Variants in ARL3 observed in about 807,000 individuals in gnomAD.
ARL3 encodes the protein ARF like GTPase 3.
A neutral mutation model predicts 26.0 loss-of-function variants in ARL3; 9 were observed. The observed-to-expected ratio is 0.35, with a 90% confidence interval of 0.21 to 0.60. The LOEUF is 0.60. ARL3 is among the 20% of genes least tolerant of loss of function. The probability of loss-of-function intolerance (pLI) is 0.78; values close to 1 mark genes in which losing one functional copy is unlikely to be tolerated. For missense variants in ARL3, 158 were observed against 215.7 expected (o/e 0.73, Z 1.67); for synonymous variants, 71 against 78.4 (o/e 0.91, Z 0.50).
At chr10:102,682,315 G>A (rs768235058) in intron 5 of ARL3, among the ~76,000 whole-genome samples, 2 of 151,992 alleles carry the variant, frequency 1.3e-5, no homozygotes, top group African/African-American at 4.8e-5. Context: ...TGCTCCTGAT[G>A]GTCTCCCGTG....
chr10:102,705,010 T>A (rs905735101), intron 2 of ARL3, among the ~76,000 whole-genome samples: 2 of 152,166 alleles, frequency 1.3e-5, no homozygotes, highest in Non-Finnish European at 2.9e-5. Flanking sequence ...TTCCATGGCA[T>A]TAAATACATT....
intron 3 of ARL3, among the ~76,000 whole-genome samples, chr10:102,697,101 T>C (rs1028377798): frequency 5.3e-5 from 8 of 152,138 alleles, no homozygotes; most frequent in Admixed American, 3.9e-4. Flanking sequence ...GGTAAGTATT[T>C]ATGGATCTAA....
chr10:102,684,385 G>A (rs549440400), intron 5 of ARL3, among the ~76,000 whole-genome samples: 21 of 152,114 alleles, frequency 1.4e-4, no homozygotes, highest in South Asian at 6.2e-4. Context: ...TCCTGACCTC[G>A]TGATCTGCCT....
chr10:102,699,313 C>T, intron 3 of ARL3, 60 bp downstream of exon 3: 1 of 869,684 alleles, frequency 1.1e-6, no homozygotes, highest in Non-Finnish European at 1.7e-6. Context: ...GTTACAGTGT[C>T]CATGTTTCTA....
chr10:102,687,711 G>C (rs1430142853), intron 4 of ARL3, among the ~76,000 whole-genome samples: 1 of 151,794 alleles, frequency 6.6e-6, no homozygotes, highest in Non-Finnish European at 1.5e-5. Flanking sequence ...TTTTTTTGTA[G>C]AGACAGGGTT....
At chr10:102,680,894 GT>G (rs974977510) in intron 5 of ARL3, among the ~76,000 whole-genome samples, 1 of 151,468 alleles carries the variant, frequency 6.6e-6, no homozygotes, top group African/African-American at 2.4e-5. Context: ...GCTATTAGTA[GT>G]TTTTTTTTCT....
At chr10:102,686,127 A>G in intron 4 of ARL3, 126 bp from the exon 5 acceptor site, 2 of 779,498 alleles carry the variant, frequency 2.6e-6, no homozygotes, top group Non-Finnish European at 4.0e-6. Context: ...GCTGGAGTGC[A>G]ATGGCGTGAT....
intron 3 of ARL3, among the ~76,000 whole-genome samples, chr10:102,690,750 C>A (rs1046578830): frequency 1.3e-5 from 2 of 152,152 alleles, no homozygotes; most frequent in Non-Finnish European, 2.9e-5. Context: ...CCTATCCCCT[C>A]CCTTCCATCA....
chr10:102,687,206 T>A (rs1196099390), intron 4 of ARL3, among the ~76,000 whole-genome samples: 1 of 150,924 alleles, frequency 6.6e-6, no homozygotes, highest in Admixed American at 6.6e-5. Flanking sequence ...AGCAAACTCC[T>A]GAAGTGATTC....
At chr10:102,685,680 A>C (rs1416763181) in intron 5 of ARL3, 136 bp downstream of exon 5, 1 of 992,148 alleles carries the variant, frequency 1.0e-6, no homozygotes, top group Non-Finnish European at 1.4e-6. Flanking sequence ...TGCTAAGCAG[A>C]AAAGAACCAA....
chr10:102,685,546 A>G (rs1346222625), intron 5 of ARL3, among the ~76,000 whole-genome samples: 1 of 152,182 alleles, frequency 6.6e-6, no homozygotes, highest in African/African-American at 2.4e-5. Flanking sequence ...TCATCAAAGA[A>G]TCCTAGAGTT....
chr10:102,712,319 T>C lies in ARL3; in HGVS notation c.3+1954A>G, dbSNP rs191829718. Among the ~76,000 whole-genome samples, 399 of 152,306 alleles carry C rather than the reference T, an allele frequency of 2.6e-3. 3 individuals are homozygous for C. Among genetic ancestry groups the C allele is most frequent in the African/African-American group, 9.2e-3 (383 of 41,562 alleles). On this transcript the variant is annotated intron_variant, in intron 1 of 5. Transcript: ENST00000260746. The stretch of plus-strand genomic sequence containing the variant: ...CCATGGGGGCTCATGGGATACCAGA[T>C]GGGATACACTTAAGTCACACGACTG...
chr10:102,714,225 A>C (rs775310498), intron 1 of ARL3, 48 bp downstream of exon 1: 2 of 1,313,146 alleles, frequency 1.5e-6, no homozygotes, highest in Admixed American at 6.1e-5. Context: ...TGGGGACGGG[A>C]GGGGGATAAC....
chr10:102,687,318 C>T (rs1179806946), intron 4 of ARL3, among the ~76,000 whole-genome samples: 1 of 152,028 alleles, frequency 6.6e-6, no homozygotes, highest in Admixed American at 6.6e-5. Flanking sequence ...ACTGCAGGCT[C>T]AACCTCCTGG....
Position 102,708,488 on chromosome 10 carries a change from A to G in ARL3, c.4-2999T>C, listed in dbSNP as rs187912710. Among the ~76,000 whole-genome samples, 176 of 152,300 alleles carry G rather than the reference A, an allele frequency of 1.2e-3. 1 individual carries two copies. Among genetic ancestry groups the G allele is most frequent in the African/African-American group, 4.1e-3 (169 of 41,560 alleles). ...TTATCAAATTAGTACATTAAATGAC[A>G]CAGGCAAAGTTCTTCTCATGCATTT... On this transcript the variant is annotated intron_variant, in intron 1 of 5. Coordinates refer to ENST00000260746, the MANE Select transcript of ARL3 (RefSeq NM_004311.4).
chr10:102,704,636 T>A (rs919332316), intron 2 of ARL3, among the ~76,000 whole-genome samples: 1 of 152,004 alleles, frequency 6.6e-6, no homozygotes, highest in Non-Finnish European at 1.5e-5. Flanking sequence ...CAAGACTGTG[T>A]CTCAAAAAAT....
chr10:102,676,999 T>A, intron 5 of ARL3, 58 bp from the exon 6 acceptor site: 3 of 1,584,430 alleles, frequency 1.9e-6, no homozygotes, highest in East Asian at 4.5e-5. Context: ...CACCACACAC[T>A]CTAGCCTGGA....
chr10:102,688,634 G>A (rs1318235965), intron 4 of ARL3, among the ~76,000 whole-genome samples: 1 of 151,770 alleles, frequency 6.6e-6, no homozygotes, highest in African/African-American at 2.4e-5. Flanking sequence ...AGAGTAGCTG[G>A]GACTGTACAG....
intron 4 of ARL3, among the ~76,000 whole-genome samples, chr10:102,686,466 CTTT>C (rs549382825): frequency 9.7e-5 from 12 of 124,010 alleles, no homozygotes; most frequent in Admixed American, 8.0e-5. Context: ...TTTTTTCTTT[CTTT>C]TTTTTTTTTT....
Sources: allele counts gnomAD v4.1 joint callset (sites outside exome capture counted in the v4.1 genomes callset), GRCh38; gene constraint gnomAD v4.1.1; transcripts MANE v1.5; gene names NCBI Gene and HGNC (gene_info 2026-07-23, HGNC 2026-07-21).